Variants in CTSB observed in about 807,000 individuals in gnomAD.
CTSB encodes APP secretase.
In CTSB, 57 loss-of-function variants were observed where a neutral mutation model predicts 44.3. That is an observed-to-expected ratio of 1.29 (90% CI 1.04 to 1.60). The LOEUF is 1.60. Among genes scored for constraint, CTSB ranks in the 40% most tolerant of loss-of-function variants. The probability of loss-of-function intolerance (pLI) is 0.00; values close to 1 mark genes in which losing one functional copy is unlikely to be tolerated. For synonymous variants in CTSB, 320 were observed against 168.0 expected (o/e 1.91, Z -7.00); for missense variants, 768 against 443.0 (o/e 1.73, Z -6.59).
intron 9 of CTSB, 150 bp from the exon 10 acceptor site, chr8:11,845,372 G>C (rs2130978354): frequency 2.9e-6 from 2 of 683,674 alleles, no homozygotes; most frequent in Non-Finnish European, 5.0e-6. Context: ...GGCTTCTGGA[G>C]CCGTGGGGCA....
At chr8:11,853,550 C>T (rs2272767) in intron 1 of CTSB, 71 bp from the exon 2 acceptor site, 515,961 of 1,452,718 alleles carry the variant, frequency 0.36, 93,531 homozygotes, top group East Asian at 0.45. Flanking sequence ...ACAGGGGCAC[C>T]GTCTCGGGCA....
In CTSB at chr8:11,844,938, T is replaced by C. The variant is rs1252749057; in HGVS notation, c.*187A>G. 8.4e-6 allele frequency: 5 copies of C among 597,442 alleles called. No individual in the cohort carries two copies. Among genetic ancestry groups the C allele is most frequent in the East Asian group, 5.6e-5 (2 of 35,980 alleles). 37.0% of individuals were successfully genotyped at this position (597,442 alleles called of 1,614,324 possible). ...GCTGGCAGCGGTGGCTCACATGGCC[T>C]GTCTGCACTGTAACCACAGGCTGGG... On this transcript the variant is annotated 3_prime_UTR_variant, in exon 10 of 10. Transcript: ENST00000353047.
chr8:11,847,662 G>C lies in CTSB; in HGVS notation c.676+17C>G, dbSNP rs755911829. On this transcript the variant is annotated intron_variant, in intron 7 of 9. Coordinates refer to ENST00000353047, the MANE Select transcript of CTSB (RefSeq NM_001908.5). ...CCAGCCTCCACGTGCGCCGTGGCCA[G>C]GCCCCAGGCCCCTTACCGTAGTGCT... 6.7e-7 allele frequency: 1 copy of C among 1,493,102 alleles called. No homozygotes were observed. Among genetic ancestry groups the C allele is most frequent in the Non-Finnish European group, 8.8e-7 (1 of 1,133,032 alleles). 92.5% of individuals were successfully genotyped at this position (1,493,102 alleles called of 1,614,324 possible).
chr8:11,847,229 C>T lies in CTSB; in HGVS notation c.677-61G>A, dbSNP rs1220546163. 1.8e-4 allele frequency: 185 copies of T among 1,047,228 alleles called. 1 individual carries two copies. The East Asian group carries it at 4.2e-3, about 24-fold the overall frequency. 64.9% of individuals were successfully genotyped at this position (1,047,228 alleles called of 1,614,324 possible). On this transcript the variant is annotated intron_variant, in intron 7 of 9. Transcript: ENST00000353047. ...AGTGACCGTGCCTCGTGGCACGCCA[C>T]GGTCAGCCAGTCACTGATTTCTGGT...
intron 1 of CTSB, among the ~76,000 whole-genome samples, chr8:11,861,979 G>A (rs1249985398): frequency 2.0e-5 from 3 of 151,668 alleles, no homozygotes; most frequent in Admixed American, 6.6e-5. Flanking sequence ...AGGCTGAGGT[G>A]GGCGAATCAC....
intron 1 of CTSB, chr8:11,862,349 C>T (rs997636543): frequency 2.6e-5 from 4 of 152,248 alleles, no homozygotes; most frequent in African/African-American, 9.6e-5. Context: ...GCCTACCCTG[C>T]ACCAGGCTCA....
Position 11,858,163 on chromosome 8 carries a change from G to A in CTSB, c.-25-4684C>T, listed in dbSNP as rs571480342. On this transcript the variant is annotated intron_variant, in intron 1 of 9. Coordinates refer to ENST00000353047, the MANE Select transcript of CTSB (RefSeq NM_001908.5). The stretch of plus-strand genomic sequence containing the variant: ...GCACATGCCTGGCATGCAGTGATAA[G>A]GTAGGAAGGGCACTCGCTCCAGCGG... 2.0e-5 allele frequency among the ~76,000 whole-genome samples: 3 copies of A among 152,366 alleles called. No individual in the cohort carries two copies. The East Asian group carries it at 5.8e-4, about 29-fold the overall frequency.
Position 11,849,087 on chromosome 8 carries a change from C to A in CTSB, c.405G>T (p.Ala135=), listed in dbSNP as rs138936863. Residue 135 remains alanine, a synonymous_variant, in exon 5 of 10, where the codon GCG becomes GCT. Transcript: ENST00000353047. ...TGCCACAGCATGTGAGCAGGTCCTCCGCCGACACCTCCACGCTGACGTGCG... is the reference window on the plus strand; with the variant it reads ...TGCCACAGCATGTGAGCAGGTCCTCAGCCGACACCTCCACGCTGACGTGCG... The part of the protein sequence containing the change: ...TNAHVSVEVS[A]EDLLTCCGSM... The A allele has an allele frequency of 2.5e-6, 4 of 1,613,582 alleles. No individual in the cohort carries two copies. The South Asian group carries it at 4.4e-5, about 18-fold the overall frequency.
At chr8:11,848,604 AGTG>A (rs1813916284) in intron 5 of CTSB, 1 of 328,830 alleles carries the variant, frequency 3.0e-6, no homozygotes, top group Non-Finnish European at 6.0e-6. Flanking sequence ...TGCAGCCGCC[AGTG>A]AACACCGCTA....
chr8:11,850,424 AAAAAAAAAAAAAAAAAAG>A (rs1428648982), intron 4 of CTSB, among the ~76,000 whole-genome samples: 3 of 96,658 alleles, frequency 3.1e-5, no homozygotes, highest in African/African-American at 7.5e-5. Flanking sequence ...ATCTCCAAAA[AAAAAAAAAAAAAAAAAAG>A]AAAGAAAAAG....
intron 2 of CTSB, among the ~76,000 whole-genome samples, chr8:11,852,995 C>T (rs531723958): frequency 2.0e-5 from 3 of 152,246 alleles, no homozygotes; most frequent in East Asian, 1.9e-4. Flanking sequence ...GAATCAGGGG[C>T]GGGACTGATA....
At position 11,844,373 on chromosome 8, in the gene CTSB, T is replaced by A. The variant is rs3200715; in HGVS notation, c.*752A>T. 6.9e-6 allele frequency: 1 copy of A among 145,408 alleles called. No individual in the cohort carries two copies. The highest frequency in any genetic ancestry group is 2.4e-5 in the African/African-American group (1 of 40,968). The allele number at this position is 145,408 out of a possible 1,614,324, so 9.0% of individuals were successfully genotyped here. On this transcript the variant is annotated 3_prime_UTR_variant, in exon 10 of 10. Transcript: ENST00000353047. ...GGCATTCCTTGTTAACTTGACAGGGTGAAGCTGTAATTTTTCAAAAACAGT... is the reference window on the plus strand; with the variant it reads ...GGCATTCCTTGTTAACTTGACAGGGAGAAGCTGTAATTTTTCAAAAACAGT...
chr8:11,859,676 G>A lies in CTSB; in HGVS notation c.-25-6197C>T, dbSNP rs144303659. On this transcript the variant is annotated intron_variant, in intron 1 of 9. Transcript: ENST00000353047. ...CCACCTACTTGGGAGGCTGAGGCAG[G>A]AGAATCACTTGAATCCAGGAAGCGG... Among the ~76,000 whole-genome samples the A allele has an allele frequency of 6.6e-3, 962 of 145,534 alleles. 16 individuals carry two copies. Among genetic ancestry groups the A allele is most frequent in the African/African-American group, 0.023 (920 of 39,360 alleles).
At position 11,855,384 on chromosome 8, in the gene CTSB, C is replaced by T. The variant is rs540148977; in HGVS notation, c.-25-1905G>A. ...TGCCCTTTGAAAAACAGGCTGGGTGCGGTGGCTGATGCCTATAATCCCAGT... is the reference window on the plus strand; with the variant it reads ...TGCCCTTTGAAAAACAGGCTGGGTGTGGTGGCTGATGCCTATAATCCCAGT... On this transcript the variant is annotated intron_variant, in intron 1 of 9. Coordinates refer to ENST00000353047, the MANE Select transcript of CTSB (RefSeq NM_001908.5). Among the ~76,000 whole-genome samples the T allele has an allele frequency of 7.9e-5, 12 of 152,232 alleles. No homozygotes were observed. The East Asian group carries it at 9.7e-4, about 12-fold the overall frequency.
At position 11,853,386 on chromosome 8, in the gene CTSB, G is replaced by C; in HGVS notation, c.69C>G (p.Phe23Leu). 1 of 1,612,912 alleles carries C rather than the reference G, an allele frequency of 6.2e-7. No homozygotes were observed. Among genetic ancestry groups the C allele is most frequent in the Non-Finnish European group, 8.5e-7 (1 of 1,179,742 alleles). ...VLANARSRPS[F>L]HPLSDELVNY... ...TGACCAGCTCATCCGACAGGGGATG[G>C]AAAGAGGGCCTGCTCCGGGCATTGG... The change falls in exon 2 of 10, where the codon TTC becomes TTG. Residue 23 changes from phenylalanine to leucine, a missense_variant. Phe to Leu is a conservative substitution (Grantham distance 22, BLOSUM62 0). Coordinates refer to ENST00000353047, the MANE Select transcript of CTSB (RefSeq NM_001908.5).
At chr8:11,852,750 C>T (rs1048180080) in intron 2 of CTSB, 55 bp from the exon 3 acceptor site, 3 of 1,509,536 alleles carry the variant, frequency 2.0e-6, no homozygotes, top group Non-Finnish European at 2.8e-6. Flanking sequence ...GGTGGATGGG[C>T]ACGCTGCCCA....
intron 3 of CTSB, among the ~76,000 whole-genome samples, chr8:11,851,690 G>A (rs541021831): frequency 1.3e-5 from 2 of 151,954 alleles, no homozygotes; most frequent in South Asian, 2.1e-4. Flanking sequence ...AGGCAGTGTC[G>A]TGCAACTTAA....
intron 9 of CTSB, 78 bp from the exon 10 acceptor site, chr8:11,845,300 T>C (rs1288969901): frequency 9.0e-7 from 1 of 1,111,832 alleles, no homozygotes; most frequent in African/African-American, 1.5e-5. Context: ...TAAAAGACCT[T>C]AAGTCACTCA....
At chr8:11,858,964 G>T (rs6980952) in intron 1 of CTSB, among the ~76,000 whole-genome samples, 6 of 151,834 alleles carry the variant, frequency 4.0e-5, no homozygotes, top group African/African-American at 1.5e-4. Context: ...CTTATTTCAC[G>T]AGGGAAGGAT....
Sources: gnomAD v4.1 joint callset for allele counts (sites outside exome capture counted in the v4.1 genomes callset) on GRCh38, gnomAD v4.1.1 for gene constraint, MANE v1.5 for transcripts, NCBI Gene and HGNC (gene_info 2026-07-23, HGNC 2026-07-21) for gene names.